Variants in CSTF2 observed in about 807,000 individuals in gnomAD.
CSTF2 encodes cleavage stimulation factor subunit 2.
Under a neutral mutation model 45.4 loss-of-function variants are expected in CSTF2, and 8 were observed. That is an observed-to-expected ratio of 0.18 (90% CI 0.10 to 0.32). The LOEUF is 0.32. Among genes scored for constraint, CSTF2 ranks in the 10% least tolerant of loss-of-function variants. The pLI is 1.00. For missense variants in CSTF2, 253 were observed against 477.1 expected (o/e 0.53, Z 4.38); for synonymous variants, 155 against 158.9 (o/e 0.98, Z 0.18).
At chrX:100,824,097 A>G in intron 5 of CSTF2, 23 bp from the exon 6 acceptor site, 1 of 1,209,664 alleles carries the variant, frequency 8.3e-7, no homozygotes, top group South Asian at 1.8e-5. Flanking sequence ...GACAGCTCAT[A>G]GGTTTGTCTT....
At chrX:100,838,039 G>GT (rs907496617) in intron 12 of CSTF2, among the ~76,000 whole-genome samples, 200 bp from the exon 13 acceptor site, 32 of 109,550 alleles carry the variant, frequency 2.9e-4, no homozygotes, top group South Asian at 7.6e-4. Context: ...TTTCTCACCA[G>GT]TTTTTTTTTA....
At chrX:100,825,345 TAGTA>T (rs762578576) in intron 6 of CSTF2, among the ~76,000 whole-genome samples, 1 of 111,456 alleles carries the variant, frequency 9.0e-6, no homozygotes, top group South Asian at 3.8e-4. Flanking sequence ...TCCTATAAAT[TAGTA>T]AGAAAATTTC....
chrX:100,833,487 G>A lies in CSTF2; in HGVS notation c.1500+15G>A. The A allele has an allele frequency of 8.4e-7, 1 of 1,184,649 alleles. No individual in the cohort carries two copies. The highest frequency in any genetic ancestry group is 1.1e-6 in the Non-Finnish European group (1 of 876,738). On this transcript the variant is annotated intron_variant, in intron 11 of 13. Coordinates refer to ENST00000372972, the MANE Select transcript of CSTF2 (RefSeq NM_001325.3). Reference sequence around the variant, plus strand: ...GATCCAGACAGGTATGTGTAACACTGACTTCTGGCATCCAAGTGAAATCTT... The same window carrying A: ...GATCCAGACAGGTATGTGTAACACTAACTTCTGGCATCCAAGTGAAATCTT...
intron 13 of CSTF2, among the ~76,000 whole-genome samples, chrX:100,839,502 T>C (rs769778353): frequency 2.8e-4 from 31 of 111,927 alleles, no homozygotes; most frequent in African/African-American, 9.7e-4. Flanking sequence ...TATATAATAG[T>C]GAACTCATTT....
intron 8 of CSTF2, among the ~76,000 whole-genome samples, chrX:100,828,933 G>A (rs893583079): frequency 5.4e-5 from 6 of 112,054 alleles, no homozygotes; most frequent in Non-Finnish European, 1.1e-4. Context: ...TAATGTATGA[G>A]TAATGTGGAC....
intron 3 of CSTF2, chrX:100,822,735 C>A: frequency 3.8e-6 from 1 of 266,555 alleles, no homozygotes; most frequent in Non-Finnish European, 6.6e-6. Context: ...CAGACCTAAG[C>A]ATGCTGGAGG....
chrX:100,832,076 G>C (rs912183622), intron 9 of CSTF2, among the ~76,000 whole-genome samples: 3 of 110,711 alleles, frequency 2.7e-5, no homozygotes, highest in African/African-American at 9.9e-5. Flanking sequence ...AATTAGCCGG[G>C]CGTGGTGGCG....
chrX:100,820,753 C>T, intron 1 of CSTF2: 4 of 455,572 alleles, frequency 8.8e-6, no homozygotes, highest in Non-Finnish European at 1.2e-5. Context: ...GGAGAAGGCT[C>T]ACGGTAACAG....
chrX:100,823,190 A>G (rs974860791), intron 3 of CSTF2, 102 bp from the exon 4 acceptor site: 10 of 945,830 alleles, frequency 1.1e-5, no homozygotes, highest in Non-Finnish European at 1.4e-5. Context: ...AGAATCTAAA[A>G]TTATCAGCTG....
At position 100,833,273 on chromosome X, in the gene CSTF2, C is replaced by T. The variant is rs757191661; in HGVS notation, c.1301C>T (p.Ala434Val). 8.3e-7 allele frequency: 1 copy of T among 1,208,607 alleles called. No individual in the cohort carries two copies. Reference protein sequence around the residue: ...GLDARGLEARAMEARAMEARA... With the variant: ...GLDARGLEARVMEARAMEARA... ...GATGCCAGAGGATTAGAGGCCCGTG[C>T]AATGGAGGCCCGTGCGATGGAAGCT... The change falls in exon 11 of 14, where the codon GCA becomes GTA. Residue 434 changes from alanine to valine, a missense_variant. Physicochemically the swap from Ala to Val is moderately conservative, Grantham distance 64 (BLOSUM62 0). Transcript: ENST00000372972.
intron 11 of CSTF2, among the ~76,000 whole-genome samples, chrX:100,836,300 G>C (rs2085008113): frequency 8.9e-6 from 1 of 112,219 alleles, no homozygotes; most frequent in Non-Finnish European, 1.9e-5. Flanking sequence ...GACTACTCAA[G>C]GTCATCATTG....
At position 100,833,223 on chromosome X, in the gene CSTF2, C is replaced by T. The variant is rs749673839; in HGVS notation, c.1251C>T (p.Ala417=). ...PRGIDARGME[A]RAMEARGLDA... is the part of the protein sequence containing the mutation. ...GAATAGATGCACGAGGGATGGAGGC[C>T]CGAGCCATGGAGGCAAGAGGGTTAG... Residue 417 remains alanine (A), a synonymous_variant, in exon 11 of 14, where the codon GCC becomes GCT. Transcript: ENST00000372972. The T allele has an allele frequency of 2.5e-6, 3 of 1,209,160 alleles. No individual in the cohort carries two copies. The East Asian group carries it at 8.9e-5, about 36-fold the overall frequency.
chrX:100,825,647 A>T (rs752708858), intron 6 of CSTF2, among the ~76,000 whole-genome samples: 1 of 111,795 alleles, frequency 8.9e-6, no homozygotes, highest in Admixed American at 9.5e-5. Context: ...CTACTCTGCC[A>T]TGGTAGTATG....
chrX:100,829,824 C>T (rs1354766376), intron 8 of CSTF2, among the ~76,000 whole-genome samples: 1 of 112,298 alleles, frequency 8.9e-6, no homozygotes, highest in African/African-American at 3.2e-5. Flanking sequence ...GGCCAGCCCT[C>T]AATCCATCAG....
At chrX:100,825,845 A>G (rs2084941199) in intron 6 of CSTF2, among the ~76,000 whole-genome samples, 2 of 112,126 alleles carry the variant, frequency 1.8e-5, no homozygotes, top group East Asian at 2.8e-4. Flanking sequence ...TAGCTGGTCC[A>G]AAAATTGACA....
chrX:100,825,362 A>G (rs1340400120), intron 6 of CSTF2, among the ~76,000 whole-genome samples: 1 of 111,973 alleles, frequency 8.9e-6, no homozygotes, highest in East Asian at 2.8e-4. Context: ...AAAATTTCCA[A>G]TAACCCAGTA....
chrX:100,821,494 CAG>C (rs2084917515), intron 1 of CSTF2, 31 bp from the exon 2 acceptor site: 6 of 1,029,448 alleles, frequency 5.8e-6, no homozygotes, highest in Non-Finnish European at 8.2e-6. Flanking sequence ...GTTATAAACT[CAG>C]AATTTTAATG....
chrX:100,826,740 G>A lies in CSTF2; in HGVS notation c.809G>A (p.Gly270Asp). 1 of 1,209,958 alleles carries A rather than the reference G, an allele frequency of 8.3e-7. No individual in the cohort carries two copies. Among genetic ancestry groups the A allele is most frequent in the Non-Finnish European group, 1.1e-6 (1 of 894,584 alleles). ...MPAAVTGPGP[G>D]SLAPGGGMQA... ...GCTGCTGTCACAGGACCTGGCCCTGGTTCCTTAGCTCCTGGAGGTAAGTTT... is the reference window on the plus strand; with the variant it reads ...GCTGCTGTCACAGGACCTGGCCCTGATTCCTTAGCTCCTGGAGGTAAGTTT... Residue 270 changes from glycine (G) to aspartate (D), a missense_variant, in exon 7 of 14, where the codon GGT (glycine) becomes GAT (aspartate). Transcript: ENST00000372972.
intron 1 of CSTF2, among the ~76,000 whole-genome samples, chrX:100,821,128 T>C (rs1429308706): frequency 8.9e-6 from 1 of 112,947 alleles, no homozygotes; most frequent in Non-Finnish European, 1.9e-5. Context: ...CATCTTTCAC[T>C]ACATTCATCG....
Sources: allele counts gnomAD v4.1 joint callset (sites outside exome capture counted in the v4.1 genomes callset), GRCh38; gene constraint gnomAD v4.1.1; transcripts MANE v1.5; gene names NCBI Gene and HGNC (gene_info 2026-07-23, HGNC 2026-07-21).